DNAJB6: variants seen among roughly 807,000 people sequenced by gnomAD.
DNAJB6 encodes the protein dnaJ homolog subfamily B member 6.
DNAJB6 carries 16 observed loss-of-function variants against 42.7 expected under a neutral mutation model. The ratio of observed to expected loss-of-function variants is 0.37; its 90% confidence interval spans 0.25 to 0.57. The LOEUF is 0.57. Among genes scored for constraint, DNAJB6 ranks in the 20% least tolerant of loss-of-function variants. The probability of loss-of-function intolerance (pLI) is 0.74; values close to 1 mark genes in which losing one functional copy is unlikely to be tolerated. For synonymous variants in DNAJB6, 170 were observed against 163.5 expected (o/e 1.04, Z -0.30); for missense variants, 347 against 416.8 (o/e 0.83, Z 1.46).
intron 4 of DNAJB6, 122 bp downstream of exon 4, chr7:157,366,683 G>A: frequency 1.1e-6 from 1 of 870,666 alleles, no homozygotes; most frequent in African/African-American, 1.7e-5. Flanking sequence ...AACGTAGAAA[G>A]CGAACTAAAT....
chr7:157,404,104 C>G (rs1465309612), intron 8 of DNAJB6, among the ~76,000 whole-genome samples: 1 of 151,214 alleles, frequency 6.6e-6, no homozygotes. Context: ...GTAGCTTAGA[C>G]TACAGGCATG....
chr7:157,388,410 G>A (rs553512762), intron 8 of DNAJB6, among the ~76,000 whole-genome samples: 4 of 152,236 alleles, frequency 2.6e-5, no homozygotes, highest in African/African-American at 9.6e-5. Context: ...ACAGTTTTTG[G>A]TAAATTCAAC....
intron 5 of DNAJB6, chr7:157,381,332 C>T (rs942574416): frequency 2.0e-5 from 3 of 152,094 alleles, no homozygotes; most frequent in African/African-American, 7.2e-5. Flanking sequence ...TGTCTTAATG[C>T]ACCTATTAGG....
chr7:157,376,523 C>G (rs544085857), intron 5 of DNAJB6, among the ~76,000 whole-genome samples: 3 of 152,278 alleles, frequency 2.0e-5, no homozygotes, highest in African/African-American at 7.2e-5. Context: ...ATGCTGGTGA[C>G]ACAGCCTCAG....
At chr7:157,404,140 C>T (rs1795656620) in intron 8 of DNAJB6, among the ~76,000 whole-genome samples, 2 of 150,854 alleles carry the variant, frequency 1.3e-5, no homozygotes, top group Middle Eastern at 6.9e-3. Context: ...CTAATTTTTT[C>T]TTTTTTTTTG....
chr7:157,341,780 T>TG (rs1798401648), intron 1 of DNAJB6, among the ~76,000 whole-genome samples: 1 of 152,222 alleles, frequency 6.6e-6, no homozygotes, highest in East Asian at 1.9e-4. Context: ...TATGTCCTGA[T>TG]GACCTTCCTG....
chr7:157,410,313 TC>T (rs1375269964), intron 9 of DNAJB6: 1 of 527,946 alleles, frequency 1.9e-6, no homozygotes, highest in East Asian at 3.5e-5. Flanking sequence ...ACGTGCCTTT[TC>T]GTAGCTTTCA....
chr7:157,395,062 C>G (rs1801517256), intron 8 of DNAJB6, among the ~76,000 whole-genome samples: 1 of 152,080 alleles, frequency 6.6e-6, no homozygotes, highest in African/African-American at 2.4e-5. Context: ...ACTCGGCACT[C>G]CAGCCTGGGC....
chr7:157,343,899 GC>G (rs1387947020), intron 1 of DNAJB6, among the ~76,000 whole-genome samples: 1 of 152,066 alleles, frequency 6.6e-6, no homozygotes, highest in African/African-American at 2.4e-5. Context: ...TAGATGTATT[GC>G]TTTTGGAAAT....
At chr7:157,409,250 G>C (rs1795883257) in intron 8 of DNAJB6, among the ~76,000 whole-genome samples, 1 of 152,176 alleles carries the variant, frequency 6.6e-6, no homozygotes, top group African/African-American at 2.4e-5. Context: ...TGTGTGTTGT[G>C]CGGGGCCAGA....
chr7:157,362,738 A>AT (rs1285561307), intron 2 of DNAJB6, among the ~76,000 whole-genome samples: 2 of 151,938 alleles, frequency 1.3e-5, no homozygotes, highest in African/African-American at 4.8e-5. Context: ...TGTGATCTTT[A>AT]TTTTTCTATC....
At chr7:157,358,675 G>T (rs1471762150) in intron 2 of DNAJB6, 38 bp downstream of exon 2, 2 of 1,503,990 alleles carry the variant, frequency 1.3e-6, no homozygotes, top group Non-Finnish European at 9.3e-7. Flanking sequence ...CATTTTCACA[G>T]TGGTACATTG....
In DNAJB6 at chr7:157,402,363, G is replaced by A. The variant is rs561756119; in HGVS notation, c.692-7432G>A. Among the ~76,000 whole-genome samples the A allele has an allele frequency of 1.3e-4, 20 of 152,364 alleles. No homozygotes were observed. The East Asian group carries it at 1.4e-3, about 10-fold the overall frequency. On this transcript the variant is annotated intron_variant, in intron 8 of 9. Transcript: ENST00000262177. ...GCACCCATGCTGCCCGTGCAGTGGC[G>A]GGTGCAGCACAGTCCCACTGCTGAG...
Position 157,347,879 on chromosome 7 carries a change from T to C in DNAJB6, c.-26-10668T>C, listed in dbSNP as rs1225485789. ...GGTGTGATCTTGGTTTACTCCAACC[T>C]CTGCCTCCCGGGCTCAAGCGATTCT... is the stretch of plus-strand genomic sequence containing the variant. On this transcript the variant is annotated intron_variant, in intron 1 of 9. Coordinates refer to ENST00000262177, the MANE Select transcript of DNAJB6 (RefSeq NM_058246.4). 2.0e-5 allele frequency among the ~76,000 whole-genome samples: 3 copies of C among 152,314 alleles called. No homozygotes were observed. The East Asian group carries it at 5.8e-4, about 29-fold the overall frequency.
chr7:157,370,095 T>C (rs1800108236), intron 5 of DNAJB6, among the ~76,000 whole-genome samples: 1 of 149,286 alleles, frequency 6.7e-6, no homozygotes, highest in South Asian at 2.1e-4. Context: ...AACATTATTA[T>C]TAAACAGGCC....
chr7:157,346,560 G>C (rs1798698586), intron 1 of DNAJB6, among the ~76,000 whole-genome samples: 1 of 151,940 alleles, frequency 6.6e-6, no homozygotes, highest in South Asian at 2.1e-4. Flanking sequence ...CACTGTTTTT[G>C]AGAGGTCTGA....
chr7:157,393,140 AT>A (rs1329608259), intron 8 of DNAJB6, among the ~76,000 whole-genome samples: 4 of 151,690 alleles, frequency 2.6e-5, no homozygotes, highest in Non-Finnish European at 5.9e-5. Flanking sequence ...CCCCTGGCTA[AT>A]TTTTTTGTAT....
chr7:157,350,171 TG>T (rs1218188412), intron 1 of DNAJB6, among the ~76,000 whole-genome samples: 1 of 152,194 alleles, frequency 6.6e-6, no homozygotes, highest in Non-Finnish European at 1.5e-5. Flanking sequence ...TATCTTTTGT[TG>T]GTGGCAATTG....
intron 1 of DNAJB6, among the ~76,000 whole-genome samples, chr7:157,351,929 A>C (rs1296357226): frequency 6.6e-6 from 1 of 151,986 alleles, no homozygotes; most frequent in African/African-American, 2.4e-5. Flanking sequence ...GGAGGTGGGG[A>C]GGTTTCAGTG....
Sources: allele counts gnomAD v4.1 joint callset (sites outside exome capture counted in the v4.1 genomes callset), GRCh38; gene constraint gnomAD v4.1.1; transcripts MANE v1.5; gene names NCBI Gene and HGNC (gene_info 2026-07-23, HGNC 2026-07-21).